The following CLTC variants were observed in gnomAD, a reference collection of about 807,000 sequenced individuals.
The protein encoded by CLTC is clathrin heavy chain 1.
CLTC carries 16 observed loss-of-function variants against 195.8 expected under a neutral mutation model. The ratio of observed to expected loss-of-function variants is 0.08; its 90% CI spans 0.06 to 0.12. CLTC has a LOEUF of 0.12. Among genes scored for constraint, CLTC ranks in the 10% least tolerant of loss-of-function variants. CLTC has a pLI of 1.00. For missense variants in CLTC, 796 were observed against 2,027.0 expected (o/e 0.39, Z 11.66); for synonymous variants, 667 against 689.4 (o/e 0.97, Z 0.51).
At position 59,696,490 on chromosome 17, in the gene CLTC, A is replaced by G. The variant is rs2033427803; in HGVS notation, c.*2638A>G. 4.7e-6 allele frequency: 1 copy of G among 210,598 alleles called. No homozygotes were observed. The highest frequency in any genetic ancestry group is 2.3e-5 in the African/African-American group (1 of 43,136). The allele number at this position is 210,598 out of a possible 1,614,324, so 13.0% of individuals were successfully genotyped here. On this transcript the variant is annotated 3_prime_UTR_variant, in exon 32 of 32. Coordinates refer to ENST00000269122, the MANE Select transcript of CLTC (RefSeq NM_004859.4). Reference sequence around the variant, plus strand: ...CAGTTCTTGGGGATACACTGATTTTAGAAATTACTGTCAGTATCCTCCTAA... The same window carrying G: ...CAGTTCTTGGGGATACACTGATTTTGGAAATTACTGTCAGTATCCTCCTAA...
intron 17 of CLTC, among the ~76,000 whole-genome samples, chr17:59,677,916 A>C (rs188376995): frequency 7.6e-4 from 116 of 152,348 alleles, no homozygotes; most frequent in African/African-American, 2.4e-3. Context: ...AATGTTATAT[A>C]ATCACCTTTA....
At chr17:59,659,178 T>C (rs1411485459) in intron 6 of CLTC, among the ~76,000 whole-genome samples, 1 of 152,136 alleles carries the variant, frequency 6.6e-6, no homozygotes, top group African/African-American at 2.4e-5. Flanking sequence ...GAAAAAATTA[T>C]ACAATTATAT....
At chr17:59,661,412 G>C in intron 7 of CLTC, 31 bp from the exon 8 acceptor site, 2 of 1,568,416 alleles carry the variant, frequency 1.3e-6, no homozygotes, top group Non-Finnish European at 1.8e-6. Context: ...TTACACTTTC[G>C]AAGAGCGTTT....
Position 59,685,240 on chromosome 17 carries a change from C to T in CLTC, c.4605+14C>T, listed in dbSNP as rs368470743. Reference sequence around the variant, plus strand: ...AGCCTTTACAAGGTTGATAAAGTTGCGGGGCAGGGGCTGTTTTAAACCAGG... The same window carrying T: ...AGCCTTTACAAGGTTGATAAAGTTGTGGGGCAGGGGCTGTTTTAAACCAGG... On this transcript the variant is annotated intron_variant, in intron 29 of 31. Coordinates refer to ENST00000269122, the MANE Select transcript of CLTC (RefSeq NM_004859.4). The surrounding 1 kb of genome is among the most constrained non-coding windows in gnomAD (Gnocchi z 5.0). The T allele has an allele frequency of 8.3e-6, 13 of 1,567,306 alleles. No individual in the cohort carries two copies. The highest frequency in any genetic ancestry group is 4.1e-5 in the African/African-American group (3 of 73,464).
intron 1 of CLTC, among the ~76,000 whole-genome samples, chr17:59,643,012 T>G (rs912050033): frequency 6.6e-6 from 1 of 152,140 alleles, no homozygotes; most frequent in African/African-American, 2.4e-5. Flanking sequence ...TTAACTTGGC[T>G]GGTTTAGTCC....
At chr17:59,641,603 CA>C (rs34208843) in intron 1 of CLTC, among the ~76,000 whole-genome samples, 119 of 48,838 alleles carry the variant, frequency 2.4e-3, no homozygotes, top group African/African-American at 8.1e-3. Flanking sequence ...GACTCCATCT[CA>C]AAAAAAAAAA....
At chr17:59,665,177 A>T (rs1424042351) in intron 10 of CLTC, among the ~76,000 whole-genome samples, 3 of 151,892 alleles carry the variant, frequency 2.0e-5, no homozygotes, top group African/African-American at 7.3e-5. Context: ...GTGAGCTATG[A>T]TCGTGCCATT....
intron 13 of CLTC, 74 bp downstream of exon 13, chr17:59,667,051 G>A (rs7221815): frequency 0.85 from 1,039,283 of 1,222,314 alleles, 443,200 homozygotes; most frequent in East Asian, 0.95. Context: ...TGATCAGGCT[G>A]TTGGAAATTT....
chr17:59,681,491 A>G lies in CLTC; in HGVS notation c.3249+13A>G, dbSNP rs2033080200. 1 of 1,612,850 alleles carries G rather than the reference A, an allele frequency of 6.2e-7. No individual in the cohort carries two copies. The highest frequency in any genetic ancestry group is 8.5e-7 in the Non-Finnish European group (1 of 1,179,134). On this transcript the variant is annotated intron_variant, in intron 20 of 31. Coordinates refer to ENST00000269122, the MANE Select transcript of CLTC (RefSeq NM_004859.4). This position sits in a 1 kb window ranked among gnomAD's most constrained non-coding sequence, Gnocchi z 5.0. ...TTCAGCAGTTCAGGTAAATCTTCAG[A>G]TTACCTAAGTTGAATTACTAAACAC... is the stretch of plus-strand genomic sequence containing the variant.
chr17:59,644,184 A>T (rs1314638263), intron 1 of CLTC, 92 bp from the exon 2 acceptor site: 1 of 939,262 alleles, frequency 1.1e-6, no homozygotes, highest in Non-Finnish European at 1.6e-6. Flanking sequence ...TTGAAGCATT[A>T]ATGTTAAGTG....
rs184067068 is a variant in CLTC at position 59,654,549 on chromosome 17, C to T, written c.796-1305C>T. On this transcript the variant is annotated intron_variant, in intron 5 of 31. Transcript: ENST00000269122. ...AGGCTGGAGTGCAGTGGCACCATCT[C>T]GGCTCACTGCAACCTCCGCCTCCGG... is the stretch of plus-strand genomic sequence containing the variant. Among the ~76,000 whole-genome samples, 7 of 152,050 alleles carry T rather than the reference C, an allele frequency of 4.6e-5. No homozygotes were observed. In the East Asian group the frequency reaches 1.4e-3, roughly 30 times the overall value.
Position 59,681,213 on chromosome 17 carries a change from C to T in CLTC, c.3066-82C>T. The T allele has an allele frequency of 6.7e-7, 1 of 1,482,782 alleles. No individual in the cohort carries two copies. Among genetic ancestry groups the T allele is most frequent in the South Asian group, 1.3e-5 (1 of 76,794 alleles). 91.9% of individuals were successfully genotyped at this position (1,482,782 alleles called of 1,614,324 possible). ...CTACCCTACCTCTTGAGACAAAAAC[C>T]TCTCCGTTAGTCACAGTGGTTATTT... On this transcript the variant is annotated intron_variant, in intron 19 of 31. Transcript: ENST00000269122. This position sits in a 1 kb window ranked among gnomAD's most constrained non-coding sequence, Gnocchi z 5.0.
At chr17:59,674,270 A>C (rs1294524278) in intron 15 of CLTC, among the ~76,000 whole-genome samples, 1 of 152,178 alleles carries the variant, frequency 6.6e-6, no homozygotes, top group Non-Finnish European at 1.5e-5. Flanking sequence ...GTAGACTCCA[A>C]AGCAGAGTTT....
chr17:59,659,820 T>C (rs1291894843), intron 6 of CLTC, among the ~76,000 whole-genome samples: 1 of 152,164 alleles, frequency 6.6e-6, no homozygotes. Flanking sequence ...CCTCCCTTCA[T>C]TGAGTATATA....
At chr17:59,669,773 ATT>A (rs1171068219) in intron 14 of CLTC, among the ~76,000 whole-genome samples, 1 of 152,126 alleles carries the variant, frequency 6.6e-6, no homozygotes, top group Non-Finnish European at 1.5e-5. Flanking sequence ...GTTCTGAAGT[ATT>A]TTTTGTCTTG....
chr17:59,625,244 G>A (rs935370419), intron 1 of CLTC, among the ~76,000 whole-genome samples: 3 of 151,828 alleles, frequency 2.0e-5, no homozygotes, highest in African/African-American at 4.8e-5. Flanking sequence ...GAGTCGCTGG[G>A]ACTACAGGCG....
chr17:59,653,751 A>G (rs1052921768), intron 5 of CLTC, among the ~76,000 whole-genome samples: 13 of 148,010 alleles, frequency 8.8e-5, no homozygotes, highest in African/African-American at 2.7e-4. Flanking sequence ...TTTAGAGACA[A>G]TGTCTCACTG....
intron 6 of CLTC, among the ~76,000 whole-genome samples, chr17:59,659,063 AT>A (rs1438753866): frequency 2.0e-5 from 3 of 152,208 alleles, no homozygotes; most frequent in African/African-American, 7.2e-5. Context: ...TCCTATATTC[AT>A]TTATTCAACA....
intron 5 of CLTC, among the ~76,000 whole-genome samples, chr17:59,654,700 C>G (rs565563536): frequency 1.3e-5 from 2 of 152,138 alleles, no homozygotes; most frequent in African/African-American, 4.8e-5. Flanking sequence ...AGGGTGGTCT[C>G]GAACTCCTGA....
Sources: gnomAD v4.1 joint callset for allele counts (sites outside exome capture counted in the v4.1 genomes callset) on GRCh38, gnomAD v4.1.1 for gene constraint, Gnocchi (gnomAD v3.1) non-coding constraint, MANE v1.5 for transcripts, NCBI Gene and HGNC (gene_info 2026-07-23, HGNC 2026-07-21) for gene names.